The following ZCCHC7 variants were observed in gnomAD, a reference collection of about 807,000 sequenced individuals.
ZCCHC7 encodes zinc finger CCHC domain-containing protein 7.
Under a neutral mutation model 52.0 loss-of-function variants are expected in ZCCHC7, and 35 were observed. That is an observed-to-expected ratio of 0.67 (90% confidence interval 0.51 to 0.89). The LOEUF (loss-of-function observed/expected upper bound fraction) is 0.89, where lower values mean the gene tolerates loss of function less well. ZCCHC7 is among the 40% of genes least tolerant of loss of function. The pLI, the probability that ZCCHC7 is intolerant of heterozygous loss-of-function variation, is 0.00. For missense variants in ZCCHC7, 574 were observed against 649.1 expected (o/e 0.88, Z 1.26); for synonymous variants, 217 against 221.5 (o/e 0.98, Z 0.18).
chr9:37,188,136 TTTTTTA>T (rs928492187), intron 2 of ZCCHC7, among the ~76,000 whole-genome samples: 7 of 152,062 alleles, frequency 4.6e-5, no homozygotes, highest in African/African-American at 9.6e-5. Flanking sequence ...GTCCTTGAGG[TTTTTTA>T]TTTTTATTTT....
chr9:37,156,963 C>T (rs181911780), intron 2 of ZCCHC7, among the ~76,000 whole-genome samples: 15 of 152,088 alleles, frequency 9.9e-5, no homozygotes, highest in Admixed American at 9.8e-4. Flanking sequence ...TGTAGTGTTT[C>T]ACAAATATAA....
intron 2 of ZCCHC7, among the ~76,000 whole-genome samples, chr9:37,207,161 T>C (rs138937441): frequency 6.6e-6 from 1 of 151,338 alleles, no homozygotes; most frequent in East Asian, 1.9e-4. Flanking sequence ...GTCTTCTTAT[T>C]GTTTAGAGTT....
At chr9:37,212,711 A>C (rs1021908667) in intron 2 of ZCCHC7, among the ~76,000 whole-genome samples, 4 of 152,206 alleles carry the variant, frequency 2.6e-5, no homozygotes, top group Non-Finnish European at 5.9e-5. Flanking sequence ...GGATTAATTA[A>C]GAAAATGTTA....
chr9:37,308,772 A>C (rs1829454194), intron 5 of ZCCHC7, among the ~76,000 whole-genome samples: 1 of 152,112 alleles, frequency 6.6e-6, no homozygotes, highest in Admixed American at 6.5e-5. Context: ...CGAGGTCAAG[A>C]GATCGAGACC....
chr9:37,214,142 G>C (rs1824383575), intron 2 of ZCCHC7, among the ~76,000 whole-genome samples: 1 of 151,998 alleles, frequency 6.6e-6, no homozygotes, highest in African/African-American at 2.4e-5. Flanking sequence ...GCATATCTAT[G>C]TGGCAAAGCT....
At chr9:37,309,983 A>T (rs986242035) in intron 5 of ZCCHC7, among the ~76,000 whole-genome samples, 1 of 152,096 alleles carries the variant, frequency 6.6e-6, no homozygotes, top group African/African-American at 2.4e-5. Context: ...ATAGTCACAC[A>T]CCTAGACCTC....
chr9:37,197,865 C>T (rs1823371656), intron 2 of ZCCHC7, among the ~76,000 whole-genome samples: 1 of 152,104 alleles, frequency 6.6e-6, no homozygotes, highest in African/African-American at 2.4e-5. Flanking sequence ...ATTGTGGATA[C>T]TTTATCTACT....
At chr9:37,316,677 A>G (rs1019199961) in intron 5 of ZCCHC7, among the ~76,000 whole-genome samples, 1 of 152,162 alleles carries the variant, frequency 6.6e-6, no homozygotes, top group East Asian at 1.9e-4. Flanking sequence ...TTTTAATGGT[A>G]TAGATAACAA....
chr9:37,263,476 A>G (rs1048622546), intron 2 of ZCCHC7, among the ~76,000 whole-genome samples: 2 of 152,148 alleles, frequency 1.3e-5, no homozygotes, highest in African/African-American at 4.8e-5. Flanking sequence ...ACTTTTTATG[A>G]CATGTTGTTT....
chr9:37,194,547 T>A (rs1267487218), intron 2 of ZCCHC7, among the ~76,000 whole-genome samples: 1 of 152,056 alleles, frequency 6.6e-6, no homozygotes, highest in Non-Finnish European at 1.5e-5. Context: ...ACTGGGAGGA[T>A]TGGGATAGAG....
At chr9:37,173,697 T>C (rs1821863701) in intron 2 of ZCCHC7, among the ~76,000 whole-genome samples, 1 of 152,224 alleles carries the variant, frequency 6.6e-6, no homozygotes, top group African/African-American at 2.4e-5. Flanking sequence ...TTCGATTTGT[T>C]AATGGTACAG....
intron 2 of ZCCHC7, among the ~76,000 whole-genome samples, chr9:37,294,088 CTA>C (rs1390787413): frequency 1.3e-5 from 2 of 152,020 alleles, no homozygotes; most frequent in African/African-American, 2.4e-5. Flanking sequence ...ATTTTAATGA[CTA>C]AAACAGTTTT....
intron 5 of ZCCHC7, among the ~76,000 whole-genome samples, chr9:37,319,798 CTT>C (rs1231595420): frequency 6.6e-6 from 1 of 152,124 alleles, no homozygotes; most frequent in Non-Finnish European, 1.5e-5. Context: ...TTGAGTTAAA[CTT>C]TGTATAATGT....
chr9:37,252,467 T>C (rs1332943039), intron 2 of ZCCHC7, among the ~76,000 whole-genome samples: 1 of 152,162 alleles, frequency 6.6e-6, no homozygotes, highest in East Asian at 1.9e-4. Flanking sequence ...AATATGCCAG[T>C]TTTGGAATTC....
At chr9:37,160,870 G>A (rs1261058850) in intron 2 of ZCCHC7, among the ~76,000 whole-genome samples, 1 of 152,070 alleles carries the variant, frequency 6.6e-6, no homozygotes. Context: ...TAGGCGACAA[G>A]AGCGAAACTC....
chr9:37,183,092 T>G (rs1822456964), intron 2 of ZCCHC7, among the ~76,000 whole-genome samples: 1 of 152,246 alleles, frequency 6.6e-6, no homozygotes, highest in Admixed American at 6.5e-5. Context: ...TAAACATTTA[T>G]GAAATGTAAA....
At chr9:37,341,881 C>G (rs957652619) in intron 6 of ZCCHC7, among the ~76,000 whole-genome samples, 6 of 152,120 alleles carry the variant, frequency 3.9e-5, no homozygotes, top group African/African-American at 1.4e-4. Context: ...GCCAGCATGA[C>G]AGGCTTGCTG....
chr9:37,294,173 A>C (rs1461388713), intron 2 of ZCCHC7, among the ~76,000 whole-genome samples: 1 of 152,224 alleles, frequency 6.6e-6, no homozygotes, highest in Non-Finnish European at 1.5e-5. Context: ...TTTCAGAAGA[A>C]TGTAAGTGAA....
At chr9:37,171,667 T>G (rs1056908068) in intron 2 of ZCCHC7, among the ~76,000 whole-genome samples, 1 of 152,120 alleles carries the variant, frequency 6.6e-6, no homozygotes, top group Non-Finnish European at 1.5e-5. Flanking sequence ...CAATCCTCCC[T>G]CAGCCTCCCA....
Sources: gnomAD v4.1 joint callset for allele counts (sites outside exome capture counted in the v4.1 genomes callset) on GRCh38, gnomAD v4.1.1 for gene constraint, MANE v1.5 for transcripts, NCBI Gene and HGNC (gene_info 2026-07-23, HGNC 2026-07-21) for gene names.